Variants in SLIT3 observed in about 807,000 individuals in gnomAD.
The protein encoded by SLIT3 is slit guidance ligand 3.
In SLIT3, 68 loss-of-function variants were observed where a neutral mutation model predicts 184.0. That is an observed-to-expected ratio of 0.37 (90% CI 0.30 to 0.45). SLIT3 has a LOEUF of 0.45. Ranked by LOEUF, SLIT3 falls within the 20% of genes least tolerant of loss-of-function variation. SLIT3 has a pLI of 1.00. For missense variants in SLIT3, 1,707 were observed against 2,026.0 expected, an observed-to-expected ratio of 0.84 and a Z score of 3.02; for synonymous variants, 831 against 828.6, an observed-to-expected ratio of 1.00 and a Z score of -0.05.
At chr5:169,058,223 A>C (rs1758070837) in intron 4 of SLIT3, among the ~76,000 whole-genome samples, 1 of 152,250 alleles carries the variant, frequency 6.6e-6, no homozygotes, top group Non-Finnish European at 1.5e-5. Context: ...CACTGTGTTA[A>C]TGCCATGCGG....
chr5:168,835,544 C>T (rs1307791175), intron 6 of SLIT3, among the ~76,000 whole-genome samples: 1 of 151,498 alleles, frequency 6.6e-6, no homozygotes, highest in Non-Finnish European at 1.5e-5. Context: ...TGCGGTGACT[C>T]ATGCCTGTAA....
intron 4 of SLIT3, among the ~76,000 whole-genome samples, chr5:169,055,083 G>A (rs1488821079): frequency 1.3e-5 from 2 of 152,032 alleles, no homozygotes; most frequent in African/African-American, 2.4e-5. Context: ...TTGGATCACT[G>A]GTAAACTTCA....
rs762457663 is a variant in SLIT3, at chr5:168,844,851, G to A, written c.486-196C>T. On this transcript the variant is annotated intron_variant, in intron 5 of 35. Transcript: ENST00000519560. Reference sequence around the variant, plus strand: ...GACTGTCTGAGAGAACTACACAGACGAGCGCACCAAAAGGCTGTCAGGTCT... The same window carrying A: ...GACTGTCTGAGAGAACTACACAGACAAGCGCACCAAAAGGCTGTCAGGTCT... 1.1e-5 allele frequency: 6 copies of A among 553,584 alleles called. No homozygotes were observed. In the East Asian group the frequency reaches 1.1e-4, roughly 11 times the overall value. The allele number at this position is 553,584 out of a possible 1,614,324, so 34.3% of individuals were successfully genotyped here.
At chr5:169,069,467 T>G (rs1265148385) in intron 4 of SLIT3, among the ~76,000 whole-genome samples, 1 of 152,102 alleles carries the variant, frequency 6.6e-6, no homozygotes, top group Non-Finnish European at 1.5e-5. Context: ...CTGTGAGCAC[T>G]TCCCATGTGC....
chr5:168,878,796 C>T (rs985922826), intron 5 of SLIT3, among the ~76,000 whole-genome samples: 3 of 151,480 alleles, frequency 2.0e-5, no homozygotes, highest in African/African-American at 7.3e-5. Context: ...CTCACCGCAA[C>T]CTCTGCCTAC....
At chr5:168,745,280 G>A (rs1050582583) in intron 20 of SLIT3, among the ~76,000 whole-genome samples, 2 of 152,222 alleles carry the variant, frequency 1.3e-5, no homozygotes, top group African/African-American at 2.4e-5. Context: ...GATGAGGAAA[G>A]AAATTGGTTT....
intron 4 of SLIT3, among the ~76,000 whole-genome samples, chr5:168,993,550 T>C (rs1755404186): frequency 6.6e-6 from 1 of 152,370 alleles, no homozygotes; most frequent in South Asian, 2.1e-4. Flanking sequence ...TCCCACAGCC[T>C]GCTCTGAAGG....
At chr5:168,975,782 A>G (rs1754734655) in intron 4 of SLIT3, among the ~76,000 whole-genome samples, 1 of 152,002 alleles carries the variant, frequency 6.6e-6, no homozygotes, top group Non-Finnish European at 1.5e-5. Flanking sequence ...CTTCCGTTTC[A>G]TTAGGCAGAA....
intron 4 of SLIT3, among the ~76,000 whole-genome samples, chr5:168,890,301 C>T (rs72827697): frequency 2.6e-5 from 4 of 151,978 alleles, no homozygotes; most frequent in African/African-American, 4.8e-5. Context: ...TTTAAATTTT[C>T]GGAAGGAAAA....
intron 18 of SLIT3, 105 bp from the exon 19 acceptor site, chr5:168,749,740 C>T: frequency 2.4e-6 from 3 of 1,252,456 alleles, no homozygotes; most frequent in Non-Finnish European, 3.4e-6. Context: ...GAGGAGGTCT[C>T]AGGAAGGAAA....
intron 4 of SLIT3, among the ~76,000 whole-genome samples, chr5:169,101,952 C>G (rs758483901): frequency 8.5e-5 from 13 of 152,194 alleles, no homozygotes; most frequent in Non-Finnish European, 1.6e-4. Context: ...CTCAGAGATC[C>G]TGGCCTTTCC....
At chr5:168,883,455 G>A (rs934151174) in intron 4 of SLIT3, 119 bp from the exon 5 acceptor site, 15 of 727,940 alleles carry the variant, frequency 2.1e-5, no homozygotes, top group Admixed American at 1.4e-4. Flanking sequence ...AGAGTGTATG[G>A]CGGCTGTTTG....
chr5:169,238,487 T>G (rs923050459), intron 3 of SLIT3, among the ~76,000 whole-genome samples: 10 of 151,812 alleles, frequency 6.6e-5, no homozygotes, highest in Non-Finnish European at 4.4e-5. Flanking sequence ...TTTTAACTGC[T>G]TATTTTTTAA....
chr5:169,120,145 A>C (rs974079057), intron 4 of SLIT3: 2 of 152,176 alleles, frequency 1.3e-5, no homozygotes, highest in African/African-American at 4.8e-5. Context: ...AATTAGACTT[A>C]ATTTGATCTT....
chr5:169,270,981 C>T (rs1766587429), intron 1 of SLIT3, among the ~76,000 whole-genome samples: 1 of 152,156 alleles, frequency 6.6e-6, no homozygotes, highest in Non-Finnish European at 1.5e-5. Context: ...CATAAGTGCT[C>T]CATCTCTTTG....
chr5:168,935,716 A>G (rs1423211116), intron 4 of SLIT3, among the ~76,000 whole-genome samples: 1 of 152,216 alleles, frequency 6.6e-6, no homozygotes, highest in African/African-American at 2.4e-5. Flanking sequence ...ATAGGATTAC[A>G]ATGAGCAGGA....
intron 34 of SLIT3, among the ~76,000 whole-genome samples, chr5:168,670,278 G>A (rs1299628410): frequency 6.6e-6 from 1 of 152,168 alleles, no homozygotes; most frequent in Non-Finnish European, 1.5e-5. Flanking sequence ...GCAAACAACT[G>A]CTTGAAAGAA....
chr5:169,108,554 C>T (rs1035614564), intron 4 of SLIT3, among the ~76,000 whole-genome samples: 1 of 152,140 alleles, frequency 6.6e-6, no homozygotes, highest in Non-Finnish European at 1.5e-5. Flanking sequence ...ACCATGGCAG[C>T]TTTGGCAGCT....
At chr5:169,047,721 G>A (rs1353503639) in intron 4 of SLIT3, among the ~76,000 whole-genome samples, 1 of 152,086 alleles carries the variant, frequency 6.6e-6, no homozygotes, top group Non-Finnish European at 1.5e-5. Context: ...CATATACAAT[G>A]CTGTCTTTTT....
Sources: allele counts gnomAD v4.1 joint callset (sites outside exome capture counted in the v4.1 genomes callset), GRCh38; gene constraint gnomAD v4.1.1; transcripts MANE v1.5; gene names NCBI Gene and HGNC (gene_info 2026-07-23, HGNC 2026-07-21).